Variants in C2CD3 observed in about 807,000 individuals in gnomAD.
C2CD3 encodes the protein C2 domain-containing protein 3.
C2CD3 carries 148 observed loss-of-function variants against 234.0 expected under a neutral mutation model. That is an observed-to-expected ratio of 0.63 (90% confidence interval 0.55 to 0.72). The LOEUF (loss-of-function observed/expected upper bound fraction) is 0.72. Among genes scored for constraint, C2CD3 ranks in the 30% least tolerant of loss-of-function variants. C2CD3 has a pLI of 0.00. For synonymous variants in C2CD3, 1,000 were observed against 1,035.4 expected, an observed-to-expected ratio of 0.97 and a Z score of 0.66; for missense variants, 2,577 against 2,811.5, an observed-to-expected ratio of 0.92 and a Z score of 1.89.
rs192323211 is a variant in C2CD3 at position 74,033,923 on chromosome 11, C to T, written c.6237G>A (p.Thr2079=). ...ACCAAGGGCTAGTTTTGTCTGTCAC[C>T]GTGGTGATCTCATTTAAGGTCCTGG... is the stretch of plus-strand genomic sequence containing the variant. The part of the protein sequence containing the change: ...IEPRTLNEIT[T]VTDKTSPWSS... Residue 2079 remains threonine (T), a synonymous_variant, in exon 31 of 33, where the codon ACG becomes ACA. Transcript: ENST00000334126. 1.7e-3 allele frequency: 2,564 copies of T among 1,536,230 alleles called. 14 individuals carry two copies. The highest frequency in any genetic ancestry group is 2.0e-3 in the Non-Finnish European group (2,277 of 1,146,936).
chr11:74,074,501 G>A lies in C2CD3; in HGVS notation c.4703C>T (p.Thr1568Ile), dbSNP rs1214300166. The A allele has an allele frequency of 6.2e-7, 1 of 1,614,220 alleles. No homozygotes were observed. Among genetic ancestry groups the A allele is most frequent in the South Asian group, 1.1e-5 (1 of 91,090 alleles). The change falls in exon 24 of 33, where the codon ACT becomes ATT. Residue 1568 changes from threonine (T) to isoleucine (I), a missense_variant. Coordinates refer to ENST00000334126, the MANE Select transcript of C2CD3 (RefSeq NM_001286577.2). ...GCAGTCCATGGAGTCCAGCTCATGA[G>A]TGGGCTCAAGGTGTGAGGAAAGAGA... Reference protein sequence around the residue: ...LSSLSSHLEPTHELDSMDCSS... With the variant: ...LSSLSSHLEPIHELDSMDCSS...
rs73563876 is a variant in C2CD3, at chr11:74,168,543, T to C, written c.126A>G (p.Lys42=). Reference sequence around the variant, plus strand: ...TCCATATGACTCTATTAACAGTAAGTTTTAGAAAACAGCGTAGCTGGCCTT... The same window carrying C: ...TCCATATGACTCTATTAACAGTAAGCTTTAGAAAACAGCGTAGCTGGCCTT... ...LVEGQLRCFL[K]LTVNRVIWKI... is the part of the protein sequence containing the mutation. Residue 42 remains lysine (K), a synonymous_variant, in exon 2 of 33, where the codon AAA becomes AAG. Transcript: ENST00000334126. The C allele has an allele frequency of 3.3e-3, 5,268 of 1,614,130 alleles. 153 individuals carry two copies. The African/African-American group carries it at 0.063, about 19-fold the overall frequency.
chr11:74,056,715 C>G (rs1953964692), intron 25 of C2CD3, among the ~76,000 whole-genome samples: 1 of 152,158 alleles, frequency 6.6e-6, no homozygotes, highest in Non-Finnish European at 1.5e-5. Context: ...ACAGCCTTTT[C>G]TGATATTAGT....
chr11:74,170,881 T>G lies in C2CD3; in HGVS notation c.-89A>C. On this transcript the variant is annotated 5_prime_UTR_variant, in exon 1 of 33. Coordinates refer to ENST00000334126, the MANE Select transcript of C2CD3 (RefSeq NM_001286577.2). ...GCCATCCCTCCCCACGGCGCCTGCG[T>G]TCCCCGGCAACCGGCGCCGCTGGGC... is the stretch of plus-strand genomic sequence containing the variant. 1 of 1,592,718 alleles carries G rather than the reference T, an allele frequency of 6.3e-7. No individual in the cohort carries two copies. The highest frequency in any genetic ancestry group is 8.5e-7 in the Non-Finnish European group (1 of 1,169,892).
rs1348211868 is a variant in C2CD3, at chr11:74,108,866, T to C, written c.1962+168A>G. On this transcript the variant is annotated intron_variant, in intron 12 of 32. Coordinates refer to ENST00000334126, the MANE Select transcript of C2CD3 (RefSeq NM_001286577.2). The stretch of plus-strand genomic sequence containing the variant: ...CTGGCCCATGACAAACAGCAGAGAT[T>C]AGTAGTAGTAATAATAATAATGATA... Among the ~76,000 whole-genome samples the C allele has an allele frequency of 4.0e-5, 6 of 151,192 alleles. No homozygotes were observed. The East Asian group carries it at 5.8e-4, about 15-fold the overall frequency.
chr11:74,168,776 G>A (rs989482150), intron 1 of C2CD3, among the ~76,000 whole-genome samples, 163 bp from the exon 2 acceptor site: 1 of 152,176 alleles, frequency 6.6e-6, no homozygotes, highest in African/African-American at 2.4e-5. Flanking sequence ...TAATACATGA[G>A]AAGTAACTAT....
intron 24 of C2CD3, among the ~76,000 whole-genome samples, chr11:74,071,073 T>A (rs1222119681): frequency 6.6e-6 from 1 of 152,182 alleles, no homozygotes; most frequent in African/African-American, 2.4e-5. Context: ...TATTCCTCTG[T>A]ACTAAAAATG....
intron 7 of C2CD3, among the ~76,000 whole-genome samples, chr11:74,127,006 T>G (rs902292439): frequency 2.0e-5 from 3 of 152,248 alleles, no homozygotes; most frequent in African/African-American, 4.8e-5. Context: ...TATTTGTTTG[T>G]GACTGGCTTC....
chr11:74,039,982 T>C (rs993271211), intron 29 of C2CD3, among the ~76,000 whole-genome samples: 3 of 152,184 alleles, frequency 2.0e-5, no homozygotes, highest in Admixed American at 1.3e-4. Flanking sequence ...ACATATTACT[T>C]CTTCGTAAAA....
intron 24 of C2CD3, among the ~76,000 whole-genome samples, chr11:74,067,155 T>C (rs970490523): frequency 4.6e-5 from 7 of 152,328 alleles, no homozygotes; most frequent in Non-Finnish European, 8.8e-5. Flanking sequence ...CATTACTTTT[T>C]CAGTCATTTG....
chr11:74,143,735 A>G (rs987504023), intron 3 of C2CD3, among the ~76,000 whole-genome samples: 1 of 151,584 alleles, frequency 6.6e-6, no homozygotes, highest in African/African-American at 2.4e-5. Flanking sequence ...TTCATTAAGG[A>G]TATTGTTCTA....
chr11:74,149,279 C>G (rs530788966), intron 3 of C2CD3, among the ~76,000 whole-genome samples: 1 of 152,162 alleles, frequency 6.6e-6, no homozygotes, highest in African/African-American at 2.4e-5. Context: ...TATAGCTGAA[C>G]AATTAGAAGT....
At chr11:74,154,553 G>T (rs533175062) in intron 3 of C2CD3, among the ~76,000 whole-genome samples, 2 of 152,142 alleles carry the variant, frequency 1.3e-5, no homozygotes, top group Non-Finnish European at 2.9e-5. Flanking sequence ...TTTTTAAATG[G>T]GCAAAAAACT....
intron 2 of C2CD3, among the ~76,000 whole-genome samples, chr11:74,162,601 AGAG>A (rs1450803372): frequency 5.9e-5 from 9 of 152,218 alleles, no homozygotes; most frequent in Non-Finnish European, 1.3e-4. Context: ...TTCTGGGGGT[AGAG>A]GAGTATGAAC....
intron 32 of C2CD3, among the ~76,000 whole-genome samples, chr11:74,019,060 TG>T (rs1951984074): frequency 6.6e-6 from 1 of 152,148 alleles, no homozygotes; most frequent in African/African-American, 2.4e-5. Flanking sequence ...CCCTTTTTTT[TG>T]TTTGTTTTTT....
intron 7 of C2CD3, among the ~76,000 whole-genome samples, chr11:74,130,885 G>C (rs1052453766): frequency 6.6e-6 from 1 of 151,862 alleles, no homozygotes; most frequent in Non-Finnish European, 1.5e-5. Context: ...AGTCAGCTGG[G>C]ATTCTGATAT....
At chr11:74,133,058 C>A in intron 6 of C2CD3, 86 bp from the exon 7 acceptor site, 1 of 1,302,864 alleles carries the variant, frequency 7.7e-7, no homozygotes, top group South Asian at 1.3e-5. Context: ...TGCAGCTGGT[C>A]TGACTCAGAA....
intron 25 of C2CD3, 42 bp from the exon 26 acceptor site, chr11:74,054,713 C>T (rs1456162864): frequency 3.0e-6 from 4 of 1,335,768 alleles, no homozygotes; most frequent in South Asian, 2.5e-5. Context: ...TGTATAGGAA[C>T]TTTCTGTAGT....
At chr11:74,072,554 T>A (rs1954847436) in intron 24 of C2CD3, among the ~76,000 whole-genome samples, 1 of 152,294 alleles carries the variant, frequency 6.6e-6, no homozygotes, top group South Asian at 2.1e-4. Context: ...ATCTGAACAT[T>A]GTTAATCACA....
Sources: gnomAD v4.1 joint callset for allele counts (sites outside exome capture counted in the v4.1 genomes callset) on GRCh38, gnomAD v4.1.1 for gene constraint, MANE v1.5 for transcripts, NCBI Gene and HGNC (gene_info 2026-07-23, HGNC 2026-07-21) for gene names.